Variants in CSMD2 observed in about 807,000 individuals in gnomAD.
The protein encoded by CSMD2 is CUB and Sushi multiple domains 2.
In CSMD2, 130 loss-of-function variants were observed where a neutral mutation model predicts 398.5. The ratio of observed to expected loss-of-function variants is 0.33; its 90% CI spans 0.28 to 0.38. The LOEUF is 0.38. CSMD2 is among the 10% of genes least tolerant of loss of function. The pLI is 1.00. For synonymous variants in CSMD2, 1,828 were observed against 1,908.5 expected, an observed-to-expected ratio of 0.96 and a Z score of 1.10; for missense variants, 3,829 against 4,764.9, an observed-to-expected ratio of 0.80 and a Z score of 5.78.
chr1:33,887,985 A>C (rs533553954), intron 5 of CSMD2, among the ~76,000 whole-genome samples: 11 of 151,992 alleles, frequency 7.2e-5, no homozygotes, highest in Admixed American at 7.2e-4. Context: ...ACTAGAAAAA[A>C]AATGCAGTGA....
Position 34,165,100 on chromosome 1 carries a change from C to G in CSMD2, c.-3G>C. The G allele has an allele frequency of 1.6e-6, 2 of 1,214,128 alleles. No homozygotes were observed. Among genetic ancestry groups the G allele is most frequent in the Non-Finnish European group, 2.0e-6 (2 of 976,450 alleles). 75.2% of individuals were successfully genotyped at this position (1,214,128 alleles called of 1,614,324 possible). On this transcript the variant is annotated 5_prime_UTR_variant, in exon 1 of 71. Transcript: ENST00000373381. Reference sequence around the variant, plus strand: ...TCCCGTCCCCGCGAGCGCGGCATGGCGCGGCCGGCAGCGCCGAGGGAGAGG... The same window carrying G: ...TCCCGTCCCCGCGAGCGCGGCATGGGGCGGCCGGCAGCGCCGAGGGAGAGG...
chr1:34,041,694 A>G (rs551731344), intron 2 of CSMD2, among the ~76,000 whole-genome samples: 1 of 152,226 alleles, frequency 6.6e-6, no homozygotes, highest in African/African-American at 2.4e-5. Flanking sequence ...GACAGTAGGC[A>G]CGTATAGTCT....
chr1:33,922,102 C>T (rs1643961748), intron 4 of CSMD2, among the ~76,000 whole-genome samples: 1 of 152,108 alleles, frequency 6.6e-6, no homozygotes, highest in Non-Finnish European at 1.5e-5. Flanking sequence ...GCCCTTCCTC[C>T]CTGCTCTTCC....
rs1045474378 is a variant in CSMD2 at position 33,624,230 on chromosome 1, A to G, written c.5625+289T>C. Among the ~76,000 whole-genome samples the G allele has an allele frequency of 6.6e-6, 1 of 152,106 alleles. No homozygotes were observed. Among genetic ancestry groups the G allele is most frequent in the African/African-American group, 2.4e-5 (1 of 41,414 alleles). On this transcript the variant is annotated intron_variant, in intron 35 of 70. Transcript: ENST00000373381. This position sits in a 1 kb window ranked among gnomAD's most constrained non-coding sequence, Gnocchi z 4.7. ...CTTCTTTTAGCCTCCCCTCCTGGCC[A>G]TGGCCAATCAATGCCCACCTCTCCT...
intron 25 of CSMD2, among the ~76,000 whole-genome samples, chr1:33,681,041 C>T: frequency 6.7e-6 from 1 of 148,666 alleles, no homozygotes; most frequent in East Asian, 2.1e-4. Flanking sequence ...TCTCATGCCT[C>T]AGCCTCCTGA....
intron 5 of CSMD2, among the ~76,000 whole-genome samples, chr1:33,876,188 C>A (rs1640828105): frequency 6.6e-6 from 1 of 152,116 alleles, no homozygotes; most frequent in African/African-American, 2.4e-5. Flanking sequence ...TTCCAGAGTC[C>A]CTGAAAGTCA....
intron 3 of CSMD2, among the ~76,000 whole-genome samples, chr1:33,990,694 C>T (rs2147994517): frequency 6.6e-6 from 1 of 152,304 alleles, no homozygotes; most frequent in South Asian, 2.1e-4. Flanking sequence ...TGCCAAGTCA[C>T]TTGATCTCTT....
At chr1:33,536,726 C>CTGTCTA (rs1655827752) in intron 62 of CSMD2, among the ~76,000 whole-genome samples, 1 of 130,918 alleles carries the variant, frequency 7.6e-6, no homozygotes, top group East Asian at 2.6e-4. Flanking sequence ...ACAGAGGTCT[C>CTGTCTA]ACTCATTTCC....
At position 34,163,821 on chromosome 1, in the gene CSMD2, G is replaced by A. The variant is rs1641584910; in HGVS notation, c.187+1090C>T. Among the ~76,000 whole-genome samples the A allele has an allele frequency of 6.6e-6, 1 of 152,072 alleles. No individual in the cohort carries two copies. The highest frequency in any genetic ancestry group is 2.1e-4 in the South Asian group (1 of 4,826). On this transcript the variant is annotated intron_variant, in intron 1 of 70. Transcript: ENST00000373381. The surrounding 1 kb of genome is among the most constrained non-coding windows in gnomAD (Gnocchi z 5.4). ...TCCCGGTTTGGACCCGTCTCCACCC[G>A]GGCACACGGAACTTTCTAGCTTGTA...
intron 13 of CSMD2, among the ~76,000 whole-genome samples, chr1:33,754,119 G>T (rs975896320): frequency 5.3e-5 from 8 of 152,200 alleles, no homozygotes; most frequent in African/African-American, 1.9e-4. Context: ...GATTTGGGGA[G>T]CCAGGGACAG....
chr1:33,756,597 T>A (rs564526505), intron 13 of CSMD2, among the ~76,000 whole-genome samples: 3 of 152,254 alleles, frequency 2.0e-5, no homozygotes. Context: ...GGGGTGGGAA[T>A]GAGCTTGGTG....
chr1:33,674,727 A>T (rs1644639728), intron 25 of CSMD2, among the ~76,000 whole-genome samples: 1 of 152,204 alleles, frequency 6.6e-6, no homozygotes, highest in Non-Finnish European at 1.5e-5. Context: ...TCCTCAGCAA[A>T]TGTAAAAGAA....
chr1:33,677,843 C>T (rs1174838720), intron 25 of CSMD2, among the ~76,000 whole-genome samples: 1 of 150,726 alleles, frequency 6.6e-6, no homozygotes, highest in Non-Finnish European at 1.5e-5. Context: ...TCATTCTCAG[C>T]AAACTATCAC....
At chr1:33,646,937 G>A in intron 28 of CSMD2, 102 bp from the exon 29 acceptor site, 2 of 1,190,134 alleles carry the variant, frequency 1.7e-6, no homozygotes, top group Non-Finnish European at 2.3e-6. Flanking sequence ...CAGGGAGCAA[G>A]CCCACCATCC....
intron 1 of CSMD2, among the ~76,000 whole-genome samples, chr1:34,102,634 C>T (rs1371322322): frequency 7.3e-5 from 4 of 54,998 alleles, no homozygotes; most frequent in Non-Finnish European, 1.6e-4. Flanking sequence ...CCCTGTAATC[C>T]GGCCATATCC....
At position 34,097,300 on chromosome 1, in the gene CSMD2, A is replaced by G. The variant is rs1221004657; in HGVS notation, c.188-8107T>C. Among the ~76,000 whole-genome samples, 11 of 148,378 alleles carry G rather than the reference A, an allele frequency of 7.4e-5. 1 individual carries two copies. The highest frequency in any genetic ancestry group is 7.1e-3 in the Middle Eastern group (2 of 280). On this transcript the variant is annotated intron_variant, in intron 1 of 70. Transcript: ENST00000373381. ...AGACTTAAACGTTAGACCTAAAACCATAAAAACCCTAGAAGAAAACCTAGG... is the reference window on the plus strand; with the variant it reads ...AGACTTAAACGTTAGACCTAAAACCGTAAAAACCCTAGAAGAAAACCTAGG...
intron 25 of CSMD2, among the ~76,000 whole-genome samples, chr1:33,672,828 C>T (rs570318850): frequency 7.2e-5 from 11 of 152,306 alleles, no homozygotes; most frequent in East Asian, 1.9e-4. Context: ...CTGCAGCCAC[C>T]GCTGCTGATA....
chr1:33,994,825 G>A (rs1474545328), intron 3 of CSMD2, among the ~76,000 whole-genome samples: 1 of 151,950 alleles, frequency 6.6e-6, no homozygotes, highest in Non-Finnish European at 1.5e-5. Context: ...CAGCACTTTG[G>A]GAGGCCGAGT....
chr1:34,048,119 T>C (rs974049108), intron 2 of CSMD2, among the ~76,000 whole-genome samples: 2 of 151,384 alleles, frequency 1.3e-5, no homozygotes, highest in Non-Finnish European at 3.0e-5. Flanking sequence ...GAAGGAAGCT[T>C]TGAGGAAGAG....
Sources: gnomAD v4.1 joint callset for allele counts (sites outside exome capture counted in the v4.1 genomes callset) on GRCh38, gnomAD v4.1.1 for gene constraint, Gnocchi (gnomAD v3.1) non-coding constraint, MANE v1.5 for transcripts, NCBI Gene and HGNC (gene_info 2026-07-23, HGNC 2026-07-21) for gene names.